Variants in KLRG1 observed in about 807,000 individuals in gnomAD.
KLRG1 encodes the protein killer cell lectin like receptor G1.
KLRG1 carries 16 observed loss-of-function variants against 21.8 expected under a neutral mutation model. The observed-to-expected ratio is 0.73, with a 90% confidence interval of 0.50 to 1.11. KLRG1 has a LOEUF of 1.11. Among genes scored for constraint, KLRG1 ranks in the 50% most tolerant of loss-of-function variants. The pLI, the probability that KLRG1 is intolerant of heterozygous loss-of-function variation, is 0.00. For missense variants in KLRG1, 173 were observed against 218.3 expected (o/e 0.79, Z 1.31); for synonymous variants, 69 against 75.9 (o/e 0.91, Z 0.47).
intron 1 of KLRG1, among the ~76,000 whole-genome samples, chr12:8,990,008 G>A (rs1274456880): frequency 1.3e-5 from 2 of 152,100 alleles, no homozygotes; most frequent in African/African-American, 2.4e-5. Flanking sequence ...TAGCTAAAGC[G>A]GGAACTTTGT....
chr12:9,025,708 A>G, the KLRG1 span, among the ~76,000 whole-genome samples: 10 of 152,210 alleles, frequency 6.6e-5, no homozygotes, highest in Non-Finnish European at 1.2e-4. Flanking sequence ...CAGTGGATGA[A>G]TATGAAGCTG....
the KLRG1 span, chr12:9,068,817 A>G: frequency 6.2e-7 from 1 of 1,605,930 alleles, no homozygotes; most frequent in Non-Finnish European, 8.5e-7. Context: ...AACCGTGAAG[A>G]ACAAGCTCAG....
chr12:9,137,464 C>T, the KLRG1 span, among the ~76,000 whole-genome samples: 1 of 151,958 alleles, frequency 6.6e-6, no homozygotes, highest in African/African-American at 2.4e-5. Flanking sequence ...AGTGTGAGTC[C>T]TCCAGCTTTC....
At chr12:9,153,173 A>G in the KLRG1 span, 51 of 1,614,094 alleles carry the variant, frequency 3.2e-5, no homozygotes, top group African/African-American at 5.3e-5. Flanking sequence ...CATATTCTCC[A>G]GGGAGCTCTG....
the KLRG1 span, among the ~76,000 whole-genome samples, chr12:9,073,336 G>A: frequency 7.9e-5 from 12 of 152,288 alleles, no homozygotes; most frequent in African/African-American, 2.6e-4. Context: ...CATGAGCAGA[G>A]TCATGCTTCA....
chr12:8,995,182 A>T lies in KLRG1; in HGVS notation c.251A>T (p.Asn84Ile), dbSNP rs1373791992. 1 of 1,613,526 alleles carries T rather than the reference A, an allele frequency of 6.2e-7. No homozygotes were observed. The highest frequency in any genetic ancestry group is 1.3e-5 in the African/African-American group (1 of 74,882). The change falls in exon 3 of 5, where the codon AAC (asparagine) becomes ATC (isoleucine). Residue 84 changes from asparagine (N) to isoleucine (I), a missense_variant. Asn to Ile is a moderately radical substitution (Grantham distance 149). Coordinates refer to ENST00000356986, the MANE Select transcript of KLRG1 (RefSeq NM_005810.4). ...CCAGACCGCTGGATGAAATATGGTA[A>T]CCATTGTTATTATTTCTCAGTGGAG... ...SCPDRWMKYG[N>I]HCYYFSVEEK...
chr12:9,079,689 T>A, the KLRG1 span: 1 of 1,613,788 alleles, frequency 6.2e-7, no homozygotes, highest in African/African-American at 1.3e-5. Flanking sequence ...AGTAAGCTGC[T>A]GTGTTTCATT....
At chr12:9,128,692 G>A in the KLRG1 span, 1 of 152,336 alleles carries the variant, frequency 6.6e-6, no homozygotes, top group East Asian at 1.9e-4. Flanking sequence ...AGGATCCTGG[G>A]TAGGGGATGG....
At chr12:9,161,053 C>G in the KLRG1 span, 3 of 1,598,222 alleles carry the variant, frequency 1.9e-6, no homozygotes, top group Non-Finnish European at 2.6e-6. Flanking sequence ...GAAAGAAGCT[C>G]TGGCAGATTC....
the KLRG1 span, among the ~76,000 whole-genome samples, chr12:9,211,844 TG>T: frequency 6.6e-6 from 1 of 152,192 alleles, no homozygotes; most frequent in Admixed American, 6.5e-5. Flanking sequence ...CACATGGTTT[TG>T]CTGGGTCAAC....
intron 1 of KLRG1, among the ~76,000 whole-genome samples, chr12:8,982,830 G>A (rs1946777335): frequency 1.3e-5 from 2 of 151,980 alleles, no homozygotes; most frequent in Admixed American, 6.6e-5. Context: ...ATTTTTAGTA[G>A]AGATAGCGTT....
chr12:9,119,239 C>A, the KLRG1 span, among the ~76,000 whole-genome samples: 1 of 151,922 alleles, frequency 6.6e-6, no homozygotes, highest in Admixed American at 6.6e-5. Flanking sequence ...GTTTCTAAGA[C>A]GCTAGAAATA....
the KLRG1 span, among the ~76,000 whole-genome samples, chr12:9,138,628 T>C: frequency 6.6e-6 from 1 of 152,048 alleles, no homozygotes; most frequent in Non-Finnish European, 1.5e-5. Flanking sequence ...TATCTGATCC[T>C]GGGTTTTTAT....
the KLRG1 span, among the ~76,000 whole-genome samples, chr12:9,191,818 C>A: frequency 6.6e-6 from 1 of 152,116 alleles, no homozygotes; most frequent in East Asian, 1.9e-4. Context: ...CACCTTTCTT[C>A]CTTCCCATTT....
At chr12:9,039,207 G>A in the KLRG1 span, among the ~76,000 whole-genome samples, 5 of 152,188 alleles carry the variant, frequency 3.3e-5, no homozygotes, top group African/African-American at 4.8e-5. Context: ...TCGCCTCCGC[G>A]TCTATTCTCT....
chr12:9,011,267 C>T (rs1947629233), downstream of KLRG1, among the ~76,000 whole-genome samples: 1 of 152,118 alleles, frequency 6.6e-6, no homozygotes, highest in Non-Finnish European at 1.5e-5. Flanking sequence ...AAGGTTGTTA[C>T]AAGAGAAGTA....
the KLRG1 span, among the ~76,000 whole-genome samples, chr12:9,093,109 C>T: frequency 1.8e-4 from 28 of 152,200 alleles, no homozygotes; most frequent in African/African-American, 6.5e-4. Flanking sequence ...TGGGAAGAAG[C>T]AGGTCAAAGG....
chr12:9,211,983 A>C, the KLRG1 span, among the ~76,000 whole-genome samples: 1 of 152,240 alleles, frequency 6.6e-6, no homozygotes, highest in East Asian at 1.9e-4. Context: ...ATGAGGGTCT[A>C]CTTTAGAGTC....
chr12:9,064,281 C>CTGA, the KLRG1 span: 205 of 152,896 alleles, frequency 1.3e-3, 1 homozygote, highest in African/African-American at 4.6e-3. This position sits in a 1 kb window ranked among gnomAD's most constrained non-coding sequence, Gnocchi z 4.0. Flanking sequence ...TTTCACAAGG[C>CTGA]TGATGGTGGC....
Sources: allele counts gnomAD v4.1 joint callset (sites outside exome capture counted in the v4.1 genomes callset), GRCh38; gene constraint gnomAD v4.1.1; non-coding constraint Gnocchi (gnomAD v3.1); transcripts MANE v1.5; gene names NCBI Gene and HGNC (gene_info 2026-07-23, HGNC 2026-07-21).